The following BANK1 variants were observed in gnomAD, a reference collection of about 807,000 sequenced individuals.
BANK1 encodes the protein B cell scaffold protein with ankyrin repeats 1, also known as B-cell scaffold protein with ankyrin repeats.
BANK1 carries 95 observed loss-of-function variants against 94.5 expected under a neutral mutation model. The ratio of observed to expected loss-of-function variants is 1.00; its 90% CI spans 0.85 to 1.19. The LOEUF is 1.19. Among genes scored for constraint, BANK1 ranks in the 50% most tolerant of loss-of-function variants. The probability of loss-of-function intolerance (pLI) is 0.00; values close to 1 mark genes in which losing one functional copy is unlikely to be tolerated. For synonymous variants in BANK1, 334 were observed against 308.4 expected (o/e 1.08, Z -0.87); for missense variants, 987 against 932.2 (o/e 1.06, Z -0.77).
At chr4:102,058,018 TTATAA>T (rs1403589303) in intron 11 of BANK1, among the ~76,000 whole-genome samples, 1 of 152,198 alleles carries the variant, frequency 6.6e-6, no homozygotes, top group Non-Finnish European at 1.5e-5. Context: ...TTTGTACTTG[TTATAA>T]TATAATAAGC....
At chr4:101,974,072 T>C (rs1017632021) in intron 7 of BANK1, among the ~76,000 whole-genome samples, 10 of 152,144 alleles carry the variant, frequency 6.6e-5, no homozygotes, top group Non-Finnish European at 1.5e-4. Context: ...TAAATACTTA[T>C]TGTCTCAAGG....
rs140862789 is a variant in BANK1 at position 101,998,874 on chromosome 4, A to G, written c.1207-22640A>G. Among the ~76,000 whole-genome samples, 134 of 152,104 alleles carry G rather than the reference A, an allele frequency of 8.8e-4. 1 individual carries two copies. The highest frequency in any genetic ancestry group is 3.1e-3 in the African/African-American group (127 of 41,510). On this transcript the variant is annotated intron_variant, in intron 7 of 16. Coordinates refer to ENST00000322953, the MANE Select transcript of BANK1 (RefSeq NM_017935.5). ...TTATTAGTTGTCTCTCTGGTGTTTGAATTCTCTGTTTCCTGGGTCCCATGT... is the reference window on the plus strand; with the variant it reads ...TTATTAGTTGTCTCTCTGGTGTTTGGATTCTCTGTTTCCTGGGTCCCATGT...
chr4:101,938,599 T>A (rs1244734565), intron 7 of BANK1, among the ~76,000 whole-genome samples: 1 of 151,434 alleles, frequency 6.6e-6, no homozygotes, highest in East Asian at 2.0e-4. Flanking sequence ...CCCAAAAGAT[T>A]AAAAGTAAAA....
intron 5 of BANK1, among the ~76,000 whole-genome samples, chr4:101,880,556 A>G (rs924173597): frequency 6.6e-6 from 1 of 152,142 alleles, no homozygotes; most frequent in Non-Finnish European, 1.5e-5. Context: ...CACATTCTTT[A>G]CAGAAATAGA....
intron 6 of BANK1, among the ~76,000 whole-genome samples, chr4:101,897,897 G>A (rs191990921): frequency 6.6e-6 from 1 of 151,376 alleles, no homozygotes; most frequent in African/African-American, 2.4e-5. Context: ...TCTTAACAAA[G>A]GTTATAAAGA....
intron 12 of BANK1, 175 bp from the exon 13 acceptor site, chr4:102,062,900 C>T: frequency 1.8e-6 from 1 of 566,202 alleles, no homozygotes; most frequent in African/African-American, 1.9e-5. Context: ...CTTCATTAAG[C>T]TGTGAGAATT....
At chr4:101,935,494 A>G (rs933544431) in intron 7 of BANK1, among the ~76,000 whole-genome samples, 1 of 151,598 alleles carries the variant, frequency 6.6e-6, no homozygotes, top group Non-Finnish European at 1.5e-5. Flanking sequence ...GCAGGTATTT[A>G]TTTTAACTTT....
At chr4:101,950,021 GTGT>G (rs1560648457) in intron 7 of BANK1, among the ~76,000 whole-genome samples, 9 of 8,116 alleles carry the variant, frequency 1.1e-3, no homozygotes, top group Non-Finnish European at 3.4e-3. Context: ...AGTAAGGGGT[GTGT>G]GTGTGTGTGT....
intron 10 of BANK1, among the ~76,000 whole-genome samples, chr4:102,030,704 C>T (rs1341549046): frequency 6.6e-6 from 1 of 150,390 alleles, no homozygotes; most frequent in Non-Finnish European, 1.5e-5. Flanking sequence ...GTTTTCTGTT[C>T]TCGTGATAGT....
chr4:101,829,146 G>A (rs896217949), intron 1 of BANK1, among the ~76,000 whole-genome samples: 2 of 152,108 alleles, frequency 1.3e-5, no homozygotes, highest in Non-Finnish European at 2.9e-5. Context: ...ACAGGTGTGA[G>A]CCACCGCGCC....
intron 3 of BANK1, among the ~76,000 whole-genome samples, chr4:101,861,228 G>T (rs1337817070): frequency 6.6e-6 from 1 of 152,202 alleles, no homozygotes; most frequent in African/African-American, 2.4e-5. Context: ...GGTGGAAAAT[G>T]CCTGAAGTAG....
intron 1 of BANK1, among the ~76,000 whole-genome samples, chr4:101,821,013 G>A (rs1371441357): frequency 6.6e-6 from 1 of 152,094 alleles, no homozygotes; most frequent in African/African-American, 2.4e-5. Context: ...TTAGGTCTTT[G>A]AGGAATTGCC....
At chr4:101,981,795 G>A (rs1381815746) in intron 7 of BANK1, 1 of 152,030 alleles carries the variant, frequency 6.6e-6, no homozygotes, top group East Asian at 1.9e-4. Context: ...CAGCTTTGAA[G>A]ATATCCATCT....
intron 6 of BANK1, among the ~76,000 whole-genome samples, chr4:101,904,895 A>G (rs749184519): frequency 6.6e-6 from 1 of 152,222 alleles, no homozygotes; most frequent in Non-Finnish European, 1.5e-5. Context: ...AAATGATTGA[A>G]ATGTCCACTC....
At chr4:102,071,754 AC>A (rs1188883264) in intron 14 of BANK1, among the ~76,000 whole-genome samples, 24 of 152,192 alleles carry the variant, frequency 1.6e-4, no homozygotes, top group African/African-American at 5.8e-4. Context: ...TGAGAGGGTA[AC>A]TCATTTCCAT....
intron 13 of BANK1, among the ~76,000 whole-genome samples, chr4:102,069,885 G>A (rs956642355): frequency 1.3e-5 from 2 of 152,114 alleles, no homozygotes; most frequent in Non-Finnish European, 2.9e-5. Context: ...TCAGACACAA[G>A]GGAATCAGAC....
chr4:101,895,091 C>G (rs1722015601), intron 5 of BANK1, among the ~76,000 whole-genome samples: 1 of 151,664 alleles, frequency 6.6e-6, no homozygotes, highest in African/African-American at 2.4e-5. Flanking sequence ...AAAGCAGAGA[C>G]TTTTATTTCT....
At chr4:101,869,816 T>A (rs188398735) in intron 4 of BANK1, among the ~76,000 whole-genome samples, 3 of 152,100 alleles carry the variant, frequency 2.0e-5, no homozygotes, top group African/African-American at 7.2e-5. Flanking sequence ...ATAACTTTTT[T>A]ATTGAAATGA....
Position 101,925,712 on chromosome 4 carries a change from G to A in BANK1, c.1206+7523G>A, listed in dbSNP as rs561569103. Among the ~76,000 whole-genome samples, 13 of 151,710 alleles carry A rather than the reference G, an allele frequency of 8.6e-5. No individual in the cohort carries two copies. In the South Asian group the frequency reaches 2.7e-3, roughly 32 times the overall value. ...GGCTAAATCGTCTTTAAAGACCCTT[G>A]GATACCTAAGTTTTTGTAATTTTTA... On this transcript the variant is annotated intron_variant, in intron 7 of 16. Coordinates refer to ENST00000322953, the MANE Select transcript of BANK1 (RefSeq NM_017935.5).
Sources: allele counts gnomAD v4.1 joint callset (sites outside exome capture counted in the v4.1 genomes callset), GRCh38; gene constraint gnomAD v4.1.1; transcripts MANE v1.5; gene names NCBI Gene and HGNC (gene_info 2026-07-23, HGNC 2026-07-21).